The following ABTB2 variants were observed in gnomAD, a reference collection of about 807,000 sequenced individuals.
The protein encoded by ABTB2 is ankyrin repeat and BTB domain containing 2, also known as ankyrin repeat and BTB/POZ domain-containing protein 2.
A neutral mutation model predicts 104.1 loss-of-function variants in ABTB2; 56 were observed. The ratio of observed to expected loss-of-function variants is 0.54; its 90% CI spans 0.43 to 0.67. ABTB2 has a LOEUF of 0.67. Ranked by LOEUF, ABTB2 falls within the 30% of genes least tolerant of loss-of-function variation. The pLI is 0.00. For missense variants in ABTB2, 1,279 were observed against 1,407.7 expected (o/e 0.91, Z 1.46); for synonymous variants, 606 against 608.2 (o/e 1.00, Z 0.05).
In ABTB2 at chr11:34,252,651, C is replaced by T. The variant is rs936019870; in HGVS notation, c.884-47961G>A. Among the ~76,000 whole-genome samples the T allele has an allele frequency of 7.2e-5, 11 of 152,160 alleles. No homozygotes were observed. The highest frequency in any genetic ancestry group is 2.0e-4 in the Admixed American group (3 of 15,286). ...CAGCCTCCTGGTCCTGGTCCAGCAC[C>T]TTCCTGAGGCTTAGAAGCTCTCCTG... On this transcript the variant is annotated intron_variant, in intron 1 of 16. Coordinates refer to ENST00000435224, the MANE Select transcript of ABTB2 (RefSeq NM_145804.3). This position sits in a 1 kb window ranked among gnomAD's most constrained non-coding sequence, Gnocchi z 5.5.
chr11:34,271,510 GGGA>G (rs763301788), intron 1 of ABTB2, among the ~76,000 whole-genome samples: 4 of 152,122 alleles, frequency 2.6e-5, no homozygotes, highest in Non-Finnish European at 4.4e-5. Flanking sequence ...AGGCCAAGAT[GGGA>G]GGATTGCTTG....
intron 1 of ABTB2, among the ~76,000 whole-genome samples, chr11:34,274,695 A>C (rs1386436476): frequency 6.6e-6 from 1 of 151,846 alleles, no homozygotes; most frequent in East Asian, 1.9e-4. Flanking sequence ...AGAAGATATC[A>C]TTGTGTCTAG....
intron 14 of ABTB2, among the ~76,000 whole-genome samples, chr11:34,155,773 G>T (rs900698955): frequency 6.6e-6 from 1 of 152,226 alleles, no homozygotes; most frequent in Non-Finnish European, 1.5e-5. Flanking sequence ...ACCTCTAGAG[G>T]TCTGGGAAGC....
intron 1 of ABTB2, among the ~76,000 whole-genome samples, chr11:34,290,983 C>G (rs2755152): frequency 0.81 from 122,860 of 152,262 alleles, 50,284 homozygotes; most frequent in African/African-American, 0.95. Flanking sequence ...GACCAACTGA[C>G]GAAAAACAGC....
intron 2 of ABTB2, among the ~76,000 whole-genome samples, chr11:34,200,528 G>A (rs892927295): frequency 5.9e-5 from 9 of 152,170 alleles, no homozygotes; most frequent in East Asian, 1.9e-4. Context: ...TGACTGTGAC[G>A]TCTAAAAACT....
chr11:34,192,494 G>A (rs2133033088), intron 3 of ABTB2, among the ~76,000 whole-genome samples: 1 of 152,266 alleles, frequency 6.6e-6, no homozygotes, highest in Non-Finnish European at 1.5e-5. Context: ...AGGTTTCTAG[G>A]CCCGACCCCC....
At chr11:34,281,428 A>G (rs974720976) in intron 1 of ABTB2, among the ~76,000 whole-genome samples, 1 of 152,164 alleles carries the variant, frequency 6.6e-6, no homozygotes, top group Non-Finnish European at 1.5e-5. Flanking sequence ...GGCTCAATAC[A>G]TACACACAGC....
rs1469989223 is a variant in ABTB2 at position 34,314,019 on chromosome 11, T to C, written c.883+42682A>G. ...TGGGTGCTGCCTGTTATGTGGTGAA[T>C]GGATAAACATGCTCTGGAAACCGAG... On this transcript the variant is annotated intron_variant, in intron 1 of 16. Coordinates refer to ENST00000435224, the MANE Select transcript of ABTB2 (RefSeq NM_145804.3). 2.6e-5 allele frequency among the ~76,000 whole-genome samples: 4 copies of C among 152,124 alleles called. No individual in the cohort carries two copies. The South Asian group carries it at 6.2e-4, about 24-fold the overall frequency.
At chr11:34,213,019 C>T (rs965897581) in intron 1 of ABTB2, among the ~76,000 whole-genome samples, 9 of 152,150 alleles carry the variant, frequency 5.9e-5, no homozygotes, top group East Asian at 1.9e-4. Flanking sequence ...CTCCGAACAC[C>T]GGGCTGGATT....
At chr11:34,167,643 G>C (rs1239385990) in intron 6 of ABTB2, among the ~76,000 whole-genome samples, 1 of 152,212 alleles carries the variant, frequency 6.6e-6, no homozygotes, top group African/African-American at 2.4e-5. Context: ...GCTGGTAAAA[G>C]GAGGAAGATA....
intron 1 of ABTB2, among the ~76,000 whole-genome samples, chr11:34,310,476 T>C (rs919667075): frequency 1.3e-5 from 2 of 152,124 alleles, no homozygotes; most frequent in Admixed American, 6.5e-5. Context: ...GCCTCTCCCC[T>C]GAAGTACTCC....
intron 1 of ABTB2, among the ~76,000 whole-genome samples, chr11:34,275,142 C>T (rs1296759477): frequency 5.9e-5 from 9 of 152,206 alleles, no homozygotes; most frequent in African/African-American, 2.2e-4. Context: ...GAATCCCTTC[C>T]CCAAACCCAA....
At chr11:34,230,829 C>G (rs866808073) in intron 1 of ABTB2, among the ~76,000 whole-genome samples, 2 of 152,190 alleles carry the variant, frequency 1.3e-5, no homozygotes, top group African/African-American at 2.4e-5. Flanking sequence ...GTCCCAGACA[C>G]TCCAGTAGCA....
chr11:34,172,455 T>TAGATAGATAGAC (rs1554980710), intron 4 of ABTB2, among the ~76,000 whole-genome samples: 50 of 120,088 alleles, frequency 4.2e-4, no homozygotes, highest in African/African-American at 1.6e-3. Flanking sequence ...GATAGATAGA[T>TAGATAGATAGAC]AGATAGATAG....
intron 4 of ABTB2, 137 bp downstream of exon 4, chr11:34,173,018 A>C: frequency 9.2e-7 from 1 of 1,083,830 alleles, no homozygotes; most frequent in South Asian, 1.6e-5. Flanking sequence ...TGCAGAGGAC[A>C]CCCTTAGAAC....
chr11:34,325,307 C>T (rs1480476665), intron 1 of ABTB2, among the ~76,000 whole-genome samples: 4 of 152,188 alleles, frequency 2.6e-5, no homozygotes, highest in African/African-American at 9.7e-5. Flanking sequence ...TAAATGCTCT[C>T]CAAGACAGAA....
chr11:34,156,175 A>G (rs1054155976), intron 14 of ABTB2, among the ~76,000 whole-genome samples: 16 of 152,248 alleles, frequency 1.1e-4, no homozygotes, highest in African/African-American at 2.9e-4. Flanking sequence ...CAGTCTTGGC[A>G]TCCGTGGCAC....
intron 1 of ABTB2, among the ~76,000 whole-genome samples, chr11:34,287,470 A>C (rs776326567): frequency 3.3e-5 from 5 of 152,164 alleles, no homozygotes; most frequent in Non-Finnish European, 7.4e-5. Context: ...AATCGCTTGA[A>C]TCTGGGAGGT....
intron 4 of ABTB2, among the ~76,000 whole-genome samples, chr11:34,172,664 A>G (rs1252088838): frequency 6.6e-6 from 1 of 151,990 alleles, no homozygotes; most frequent in East Asian, 1.9e-4. Context: ...TGGGCAAGCT[A>G]CTGTTCCCCT....
Sources: gnomAD v4.1 joint callset for allele counts (sites outside exome capture counted in the v4.1 genomes callset) on GRCh38, gnomAD v4.1.1 for gene constraint, Gnocchi (gnomAD v3.1) non-coding constraint, MANE v1.5 for transcripts, NCBI Gene and HGNC (gene_info 2026-07-23, HGNC 2026-07-21) for gene names.